Variants in HDAC9 observed in about 807,000 individuals in gnomAD.
HDAC9 encodes the protein histone deacetylase 9, also known as MEF-2 interacting transcription repressor (MITR) protein.
HDAC9 carries 41 observed loss-of-function variants against 139.4 expected under a neutral mutation model. That is an observed-to-expected ratio of 0.29 (90% CI 0.23 to 0.38). The LOEUF (loss-of-function observed/expected upper bound fraction) is 0.38, where lower values mean the gene tolerates loss of function less well. HDAC9 is among the 10% of genes least tolerant of loss of function. The probability of loss-of-function intolerance (pLI) is 1.00; values close to 1 mark genes in which losing one functional copy is unlikely to be tolerated. For missense variants in HDAC9, 1,147 were observed against 1,297.0 expected, an observed-to-expected ratio of 0.88 and a Z score of 1.78; for synonymous variants, 517 against 476.2, an observed-to-expected ratio of 1.09 and a Z score of -1.12.
chr7:18,105,611 T>G (rs1343806712), intron 1 of HDAC9, among the ~76,000 whole-genome samples: 1 of 150,152 alleles, frequency 6.7e-6, no homozygotes, highest in Non-Finnish European at 1.5e-5. Context: ...CTAGATGCTT[T>G]CTAGATGTAG....
intron 11 of HDAC9, among the ~76,000 whole-genome samples, chr7:18,649,798 G>A (rs1172746224): frequency 2.0e-5 from 3 of 152,022 alleles, no homozygotes; most frequent in Non-Finnish European, 4.4e-5. Flanking sequence ...AGCATGGATT[G>A]GATACCATGC....
At chr7:18,301,091 A>G (rs1798509700) in intron 1 of HDAC9, among the ~76,000 whole-genome samples, 5 of 152,202 alleles carry the variant, frequency 3.3e-5, no homozygotes, top group South Asian at 4.1e-4. Flanking sequence ...TTTTCCCGCA[A>G]TGCAATTTTA....
chr7:18,585,406 T>C lies in HDAC9; in HGVS notation c.148T>C (p.Leu50=). The part of the protein sequence containing the change: ...VVREKQLQQE[L]LLIQQQQQIQ... The stretch of plus-strand genomic sequence containing the variant: ...CCGTGAGAAGCAATTGCAGCAGGAA[T>C]TACTTCTTATCCAGCAGCAGCAACA... Residue 50 remains leucine (L), a synonymous_variant, in exon 3 of 26, where the codon TTA becomes CTA. Transcript: ENST00000686413. 1 of 1,613,920 alleles carries C rather than the reference T, an allele frequency of 6.2e-7. No homozygotes were observed. Among genetic ancestry groups the C allele is most frequent in the Non-Finnish European group, 8.5e-7 (1 of 1,179,894 alleles).
At chr7:18,659,121 G>T (rs1792322698) in intron 11 of HDAC9, among the ~76,000 whole-genome samples, 1 of 152,094 alleles carries the variant, frequency 6.6e-6, no homozygotes, top group Admixed American at 6.6e-5. Context: ...ACATGATCCT[G>T]TTCTTAGTTG....
chr7:18,836,352 G>A (rs1796236550), intron 21 of HDAC9, among the ~76,000 whole-genome samples: 1 of 152,056 alleles, frequency 6.6e-6, no homozygotes, highest in South Asian at 2.1e-4. Flanking sequence ...TGATTTTGTT[G>A]AACAAGCATT....
intron 11 of HDAC9, among the ~76,000 whole-genome samples, chr7:18,658,108 C>T (rs1791846627): frequency 6.6e-6 from 1 of 152,070 alleles, no homozygotes; most frequent in South Asian, 2.1e-4. Context: ...CTTTATTGCC[C>T]ATCCAAACAA....
chr7:18,166,839 A>G (rs1415451424), intron 2 of HDAC9, among the ~76,000 whole-genome samples: 5 of 152,200 alleles, frequency 3.3e-5, no homozygotes, highest in Admixed American at 1.3e-4. Context: ...AACAAATATC[A>G]TAATGTCCAA....
At chr7:18,682,516 G>T (rs1368764618) in intron 12 of HDAC9, among the ~76,000 whole-genome samples, 1 of 151,834 alleles carries the variant, frequency 6.6e-6, no homozygotes. Flanking sequence ...TTGTTTTGCT[G>T]GTAACTTTTA....
At position 18,667,905 on chromosome 7, in the gene HDAC9, T is replaced by G. The variant is rs1795274819; in HGVS notation, c.1731+1429T>G. 3.1e-6 allele frequency: 3 copies of G among 982,304 alleles called. No individual in the cohort carries two copies. The South Asian group carries it at 1.4e-4, about 46-fold the overall frequency. The allele number at this position is 982,304 out of a possible 1,614,324, so 60.8% of individuals were successfully genotyped here. A position where few individuals can be genotyped will look rare whatever the true frequency, so the allele number is the denominator to read the frequency against. ...TAAGCTAGTTAAAGGTTCGTTGTATTAAGACCCCTTTAATATGGATAATCC... is the reference window on the plus strand; with the variant it reads ...TAAGCTAGTTAAAGGTTCGTTGTATGAAGACCCCTTTAATATGGATAATCC... On this transcript the variant is annotated intron_variant, in intron 12 of 25. Coordinates refer to ENST00000686413, the MANE Select transcript of HDAC9 (RefSeq NM_178425.4).
At chr7:18,645,876 G>T (rs186273015) in intron 9 of HDAC9, among the ~76,000 whole-genome samples, 1 of 152,120 alleles carries the variant, frequency 6.6e-6, no homozygotes, top group East Asian at 1.9e-4. Flanking sequence ...CAACCTAAGA[G>T]ATATTATATC....
chr7:18,827,416 A>G (rs1795534345), intron 17 of HDAC9, among the ~76,000 whole-genome samples: 1 of 152,166 alleles, frequency 6.6e-6, no homozygotes, highest in Admixed American at 6.5e-5. Context: ...CTGGATATAT[A>G]GAGATGAATT....
chr7:18,507,128 A>G (rs776799252), intron 2 of HDAC9, among the ~76,000 whole-genome samples: 2 of 151,042 alleles, frequency 1.3e-5, no homozygotes, highest in Non-Finnish European at 1.5e-5. Context: ...GCCAAATGCT[A>G]TAGAATGGAT....
intron 1 of HDAC9, among the ~76,000 whole-genome samples, chr7:18,416,240 G>A (rs551657409): frequency 2.6e-4 from 39 of 152,048 alleles, no homozygotes; most frequent in South Asian, 1.2e-3. Context: ...AGGTTGCAGT[G>A]AGCCGAGATC....
At chr7:18,148,013 G>A (rs1786477585) in intron 1 of HDAC9, among the ~76,000 whole-genome samples, 1 of 152,072 alleles carries the variant, frequency 6.6e-6, no homozygotes, top group African/African-American at 2.4e-5. Context: ...CATCTAGACT[G>A]TTTCCAGAAT....
At chr7:18,607,023 C>T (rs1467970379) in intron 6 of HDAC9, among the ~76,000 whole-genome samples, 2 of 152,086 alleles carry the variant, frequency 1.3e-5, no homozygotes, top group African/African-American at 2.4e-5. Flanking sequence ...ATAATTTATA[C>T]ATTTTTTACT....
At chr7:18,140,192 G>A (rs59714060) in intron 1 of HDAC9, among the ~76,000 whole-genome samples, 8,364 of 152,058 alleles carry the variant, frequency 0.055, 326 homozygotes, top group East Asian at 0.14. Context: ...CAAACATCCC[G>A]GGACCCTTCT....
chr7:18,498,805 G>A (rs1208011015), intron 2 of HDAC9, among the ~76,000 whole-genome samples: 1 of 151,982 alleles, frequency 6.6e-6, no homozygotes, highest in African/African-American at 2.4e-5. Context: ...GTGAGGTTCA[G>A]ATGTATCAAT....
intron 12 of HDAC9, among the ~76,000 whole-genome samples, chr7:18,690,612 G>C (rs1007064968): frequency 6.6e-5 from 10 of 151,812 alleles, no homozygotes; most frequent in Non-Finnish European, 1.3e-4. Context: ...ATTTTCACCA[G>C]GGTCAAATTG....
chr7:18,289,893 G>T (rs919331854), upstream of HDAC9, among the ~76,000 whole-genome samples: 1 of 152,120 alleles, frequency 6.6e-6, no homozygotes, highest in East Asian at 1.9e-4. Flanking sequence ...GACACATTTG[G>T]TACTTTGCCC....
Sources: allele counts gnomAD v4.1 joint callset (sites outside exome capture counted in the v4.1 genomes callset), GRCh38; gene constraint gnomAD v4.1.1; transcripts MANE v1.5; gene names NCBI Gene and HGNC (gene_info 2026-07-23, HGNC 2026-07-21).